The following IREB2 variants were observed in gnomAD, a reference collection of about 807,000 sequenced individuals.
IREB2 encodes iron-responsive element-binding protein 2.
In IREB2, 39 loss-of-function variants were observed where a neutral mutation model predicts 118.8. That is an observed-to-expected ratio of 0.33 (90% CI 0.25 to 0.43). The LOEUF is 0.43. Among genes scored for constraint, IREB2 ranks in the 20% least tolerant of loss-of-function variants. The pLI is 1.00. For synonymous variants in IREB2, 372 were observed against 392.2 expected (o/e 0.95, Z 0.61); for missense variants, 900 against 1,147.3 (o/e 0.78, Z 3.11).
At chr15:78,475,942 T>C in intron 8 of IREB2, 1 of 307,540 alleles carries the variant, frequency 3.3e-6, no homozygotes, top group African/African-American at 2.1e-5. Flanking sequence ...ATGTTAATTA[T>C]AGCCACCTTG....
intron 2 of IREB2, among the ~76,000 whole-genome samples, chr15:78,447,524 T>C (rs2141452113): frequency 6.6e-6 from 1 of 152,242 alleles, no homozygotes; most frequent in African/African-American, 2.4e-5. Context: ...AGAGATGGCA[T>C]TTCACCATGT....
chr15:78,465,775 C>T (rs965129149), intron 4 of IREB2, among the ~76,000 whole-genome samples: 1 of 151,976 alleles, frequency 6.6e-6, no homozygotes, highest in East Asian at 1.9e-4. Context: ...ATTTTCCTTC[C>T]TCTGAAATAA....
chr15:78,463,726 G>A lies in IREB2; in HGVS notation c.272+639G>A, dbSNP rs375411996. On this transcript the variant is annotated intron_variant, in intron 3 of 21. Transcript: ENST00000258886. ...GGTAGTCTCACTCTGTCACCTAGGC[G>A]AGAGTGCAGTAATGCAGTCATAGTT... 3.3e-5 allele frequency among the ~76,000 whole-genome samples: 5 copies of A among 152,050 alleles called. No homozygotes were observed. The East Asian group carries it at 5.8e-4, about 18-fold the overall frequency.
intron 5 of IREB2, 72 bp downstream of exon 5, chr15:78,466,561 C>CT (rs2051286828): frequency 2.3e-6 from 2 of 868,568 alleles, no homozygotes. Flanking sequence ...AATTTATTCT[C>CT]TTCCCACCCA....
chr15:78,483,575 C>T (rs938369320), intron 11 of IREB2, 141 bp downstream of exon 11: 100 of 571,828 alleles, frequency 1.7e-4, no homozygotes, highest in Non-Finnish European at 9.1e-5. Context: ...TATTTTCCTT[C>T]TGTCTAATGT....
At chr15:78,497,538 A>T (rs1161753935) in intron 21 of IREB2, among the ~76,000 whole-genome samples, 6 of 152,140 alleles carry the variant, frequency 3.9e-5, no homozygotes, top group Non-Finnish European at 7.4e-5. Context: ...AGAACACATG[A>T]AGGGGAATCT....
At chr15:78,463,196 T>C (rs1287439582) in intron 3 of IREB2, 109 bp downstream of exon 3, 8 of 917,434 alleles carry the variant, frequency 8.7e-6, no homozygotes, top group Non-Finnish European at 1.1e-5. Context: ...CCCAGTACTT[T>C]GGGAGGCCAA....
chr15:78,470,337 G>A (rs988467934), intron 5 of IREB2, among the ~76,000 whole-genome samples, 195 bp from the exon 6 acceptor site: 1 of 152,140 alleles, frequency 6.6e-6, no homozygotes, highest in Non-Finnish European at 1.5e-5. Context: ...CACTTTTGTA[G>A]CTTTCCGGTG....
At position 78,497,248 on chromosome 15, in the gene IREB2, T is replaced by C. The variant is rs749118680; in HGVS notation, c.2718T>C (p.Gly906=). 6.2e-7 allele frequency: 1 copy of C among 1,613,864 alleles called. No individual in the cohort carries two copies. The highest frequency in any genetic ancestry group is 1.1e-5 in the South Asian group (1 of 91,072). ...GENADSLGLS[G]RETFSLTFPE... is the part of the protein sequence containing the mutation. ...ATGCAGATTCCTTGGGCCTCTCCGGTAGAGAAACATTTTCTTTAACATTTC... is the reference window on the plus strand; with the variant it reads ...ATGCAGATTCCTTGGGCCTCTCCGGCAGAGAAACATTTTCTTTAACATTTC... Residue 906 remains glycine, a synonymous_variant, in exon 21 of 22, where the codon GGT becomes GGC. Transcript: ENST00000258886.
At chr15:78,437,696 T>G (rs1308368017), upstream of IREB2, 3 of 152,604 alleles carry the variant, frequency 2.0e-5, no homozygotes, top group African/African-American at 7.2e-5. Context: ...TGGGAAGAAG[T>G]CGGCAATCAC....
chr15:78,456,401 G>T (rs981365076), intron 2 of IREB2, among the ~76,000 whole-genome samples: 1 of 152,086 alleles, frequency 6.6e-6, no homozygotes, highest in Admixed American at 6.5e-5. Flanking sequence ...GCTGGCTTAT[G>T]CCTGTAATCC....
upstream of IREB2, chr15:78,438,178 A>G: frequency 1.6e-6 from 1 of 608,384 alleles, no homozygotes; most frequent in Non-Finnish European, 3.0e-6. Flanking sequence ...GCGAGCGCAG[A>G]CCCGGGGCTG....
chr15:78,449,500 G>A (rs2050987945), intron 2 of IREB2, among the ~76,000 whole-genome samples: 1 of 152,160 alleles, frequency 6.6e-6, no homozygotes, highest in Admixed American at 6.5e-5. Flanking sequence ...TAGAGAGGTA[G>A]GTGCTTACTA....
intron 21 of IREB2, among the ~76,000 whole-genome samples, chr15:78,497,607 T>G (rs2051859783): frequency 6.6e-6 from 1 of 152,224 alleles, no homozygotes; most frequent in African/African-American, 2.4e-5. Context: ...TTTGCTGTCC[T>G]GATCTAATTT....
intron 2 of IREB2, among the ~76,000 whole-genome samples, chr15:78,445,059 A>G (rs1419202497): frequency 1.3e-5 from 2 of 152,156 alleles, no homozygotes; most frequent in African/African-American, 2.4e-5. Flanking sequence ...TGTTGGATTG[A>G]AAGTATGTTA....
chr15:78,450,636 G>T (rs1349168303), intron 2 of IREB2, among the ~76,000 whole-genome samples: 1 of 152,196 alleles, frequency 6.6e-6, no homozygotes, highest in Non-Finnish European at 1.5e-5. Flanking sequence ...CTTGTAGAAG[G>T]AGTGACAGCT....
At chr15:78,456,613 C>T (rs1191066547) in intron 2 of IREB2, among the ~76,000 whole-genome samples, 6 of 151,770 alleles carry the variant, frequency 4.0e-5, no homozygotes, top group Non-Finnish European at 7.4e-5. Context: ...GTGTAGTGAG[C>T]CATGATCGTG....
rs2050814301 is a variant in IREB2, at chr15:78,439,656, C to T, written c.20-139C>T. The T allele has an allele frequency of 1.6e-5, 9 of 567,860 alleles. No homozygotes were observed. The East Asian group carries it at 2.7e-4, about 17-fold the overall frequency. The allele number at this position is 567,860 out of a possible 1,614,324, so 35.2% of individuals were successfully genotyped here. ...CTCAATAGCCACACGTTGCTAATGG[C>T]TACTTTACTGGACAGCTCAAACATA... On this transcript the variant is annotated intron_variant, in intron 1 of 21. Transcript: ENST00000258886.
chr15:78,443,800 C>T (rs2050883324), intron 2 of IREB2, among the ~76,000 whole-genome samples: 1 of 152,028 alleles, frequency 6.6e-6, no homozygotes, highest in Non-Finnish European at 1.5e-5. Context: ...GTGTGTGCCA[C>T]CACATCCGGC....
Sources: allele counts gnomAD v4.1 joint callset (sites outside exome capture counted in the v4.1 genomes callset), GRCh38; gene constraint gnomAD v4.1.1; transcripts MANE v1.5; gene names NCBI Gene and HGNC (gene_info 2026-07-23, HGNC 2026-07-21).